The following CSMD1 variants were observed in gnomAD, a reference collection of about 807,000 sequenced individuals.
CSMD1 encodes CUB and Sushi multiple domains 1.
In CSMD1, 213 loss-of-function variants were observed where a neutral mutation model predicts 417.5. The ratio of observed to expected loss-of-function variants is 0.51; its 90% CI spans 0.46 to 0.57. The LOEUF is 0.57. CSMD1 is among the 20% of genes least tolerant of loss of function. CSMD1 has a pLI of 0.00. For synonymous variants in CSMD1, 2,862 were observed against 1,736.8 expected, an observed-to-expected ratio of 1.65 and a Z score of -16.11; for missense variants, 6,923 against 4,529.7, an observed-to-expected ratio of 1.53 and a Z score of -15.17.
intron 3 of CSMD1, among the ~76,000 whole-genome samples, chr8:4,334,434 T>C (rs1225753578): frequency 1.3e-5 from 2 of 152,134 alleles, no homozygotes; most frequent in Non-Finnish European, 1.5e-5. Flanking sequence ...TCCAAAGAGA[T>C]TCTTTCTCAA....
intron 5 of CSMD1, among the ~76,000 whole-genome samples, chr8:3,909,214 A>G (rs1808297772): frequency 6.6e-6 from 1 of 152,150 alleles, no homozygotes; most frequent in Non-Finnish European, 1.5e-5. Context: ...TGAGACAGTT[A>G]TCCTCTCAAC....
At chr8:4,164,255 G>A (rs889241674) in intron 3 of CSMD1, among the ~76,000 whole-genome samples, 1 of 151,884 alleles carries the variant, frequency 6.6e-6, no homozygotes, top group African/African-American at 2.4e-5. Context: ...AAAACAAAAT[G>A]ATGTTAAAAA....
intron 3 of CSMD1, among the ~76,000 whole-genome samples, chr8:4,289,488 A>G (rs1156516984): frequency 1.3e-5 from 2 of 152,214 alleles, no homozygotes; most frequent in African/African-American, 2.4e-5. Flanking sequence ...TTTGGACCAC[A>G]TAAACTGAGT....
At chr8:3,719,294 C>T (rs1802012230) in intron 6 of CSMD1, among the ~76,000 whole-genome samples, 1 of 152,232 alleles carries the variant, frequency 6.6e-6, no homozygotes, top group Admixed American at 6.5e-5. Flanking sequence ...GGCCACTGCC[C>T]TAGAGGCCCA....
At chr8:4,208,634 C>A (rs142892451) in intron 3 of CSMD1, among the ~76,000 whole-genome samples, 1 of 151,776 alleles carries the variant, frequency 6.6e-6, no homozygotes, top group Non-Finnish European at 1.5e-5. Context: ...AAACTAAGGC[C>A]GTGATATGCA....
intron 1 of CSMD1, among the ~76,000 whole-genome samples, chr8:4,779,803 G>T (rs1478611163): frequency 1.3e-5 from 2 of 152,144 alleles, no homozygotes; most frequent in Non-Finnish European, 2.9e-5. Context: ...CGACCCAGGG[G>T]ATTCCTGGGC....
intron 12 of CSMD1, 118 bp from the exon 13 acceptor site, chr8:3,409,723 A>G (rs1320746552): frequency 4.1e-6 from 3 of 738,294 alleles, no homozygotes; most frequent in African/African-American, 3.5e-5. Flanking sequence ...TCATTTTTGT[A>G]AAGTGTTTCT....
At chr8:4,796,443 C>A (rs1797987129) in intron 1 of CSMD1, among the ~76,000 whole-genome samples, 1 of 152,028 alleles carries the variant, frequency 6.6e-6, no homozygotes, top group Non-Finnish European at 1.5e-5. Flanking sequence ...TCCTCTGCCC[C>A]TTTGTAATGT....
chr8:3,122,855 C>A (rs1817287004), intron 41 of CSMD1, among the ~76,000 whole-genome samples: 3 of 152,094 alleles, frequency 2.0e-5, no homozygotes. Context: ...TATAACAGTC[C>A]ACCATACAGT....
At chr8:4,700,346 AC>A (rs1373244330) in intron 1 of CSMD1, among the ~76,000 whole-genome samples, 1 of 151,954 alleles carries the variant, frequency 6.6e-6, no homozygotes, top group Non-Finnish European at 1.5e-5. Flanking sequence ...TATTTATAAT[AC>A]ATATTATAAA....
chr8:4,094,922 G>C (rs905101435), intron 3 of CSMD1, among the ~76,000 whole-genome samples: 47 of 152,290 alleles, frequency 3.1e-4, no homozygotes, highest in African/African-American at 1.1e-3. Flanking sequence ...ACATGGGGAA[G>C]TCATTGAAGG....
intron 3 of CSMD1, among the ~76,000 whole-genome samples, chr8:4,411,488 C>T (rs954586297): frequency 1.3e-5 from 2 of 152,128 alleles, no homozygotes; most frequent in African/African-American, 4.8e-5. Flanking sequence ...AGCCAGAGAT[C>T]CACTTAACAA....
At chr8:3,316,542 GTTT>G (rs913076959) in intron 23 of CSMD1, among the ~76,000 whole-genome samples, 112 of 152,300 alleles carry the variant, frequency 7.4e-4, no homozygotes, top group African/African-American at 2.5e-3. Context: ...GCGGGAGAGG[GTTT>G]GAGCAGGTCT....
At chr8:3,431,694 G>C (rs1023271315) in intron 12 of CSMD1, among the ~76,000 whole-genome samples, 1 of 152,130 alleles carries the variant, frequency 6.6e-6, no homozygotes, top group East Asian at 1.9e-4. Context: ...CCATAGTCTT[G>C]CTAAAATTAA....
At chr8:3,539,536 T>G (rs997493420) in intron 10 of CSMD1, among the ~76,000 whole-genome samples, 4 of 152,116 alleles carry the variant, frequency 2.6e-5, no homozygotes, top group Non-Finnish European at 5.9e-5. Context: ...GGTTCTCATT[T>G]TAAACGTGCA....
chr8:3,248,520 T>TC (rs1800034750), intron 26 of CSMD1, among the ~76,000 whole-genome samples: 2 of 115,290 alleles, frequency 1.7e-5, no homozygotes, highest in Admixed American at 1.0e-4. Context: ...ATCAATTCCC[T>TC]CCCTTTTTTT....
intron 3 of CSMD1, among the ~76,000 whole-genome samples, chr8:4,179,444 C>T (rs938702114): frequency 1.9e-4 from 29 of 152,098 alleles, no homozygotes; most frequent in Middle Eastern, 3.4e-3. Context: ...GGATTAAAGA[C>T]TTAAACGTTA....
rs558753399 is a variant in CSMD1, at chr8:3,615,026, T to C, written c.1097+1684A>G. The stretch of plus-strand genomic sequence containing the variant: ...CCTTGGAAGAATGGGCAATTTTATT[T>C]CGTTGCTTTGTTTTCAAAAGAGATA... On this transcript the variant is annotated intron_variant, in intron 8 of 69. Coordinates refer to ENST00000635120, the MANE Select transcript of CSMD1 (RefSeq NM_033225.6). 3.3e-5 allele frequency among the ~76,000 whole-genome samples: 5 copies of C among 152,312 alleles called. No homozygotes were observed. In the South Asian group the frequency reaches 6.2e-4, roughly 19 times the overall value.
At chr8:4,519,785 C>T (rs760395450) in intron 2 of CSMD1, among the ~76,000 whole-genome samples, 802 of 74,080 alleles carry the variant, frequency 0.011, 2 homozygotes, top group Middle Eastern at 0.025. Flanking sequence ...AAAAAAAATT[C>T]TTGCCTTTTG....
Sources: allele counts gnomAD v4.1 joint callset (sites outside exome capture counted in the v4.1 genomes callset), GRCh38; gene constraint gnomAD v4.1.1; transcripts MANE v1.5; gene names NCBI Gene and HGNC (gene_info 2026-07-23, HGNC 2026-07-21).